DUS1L: variants seen among roughly 807,000 people sequenced by gnomAD.
DUS1L encodes tRNA-dihydrouridine(16/17) synthase [NAD(P)(+)]-like.
Under a neutral mutation model 61.2 loss-of-function variants are expected in DUS1L, and 56 were observed. That is an observed-to-expected ratio of 0.92 (90% CI 0.74 to 1.14). The LOEUF is 1.14. Ranked by LOEUF, DUS1L falls within the 50% of genes most tolerant of loss-of-function variation. DUS1L has a pLI of 0.00. For synonymous variants in DUS1L, 278 were observed against 259.5 expected (o/e 1.07, Z -0.69); for missense variants, 630 against 632.4 (o/e 1.00, Z 0.04).
chr17:82,060,565 CCCT>C (rs1376269198), intron 10 of DUS1L, 133 bp downstream of exon 10: 3 of 1,179,198 alleles, frequency 2.5e-6, no homozygotes, highest in African/African-American at 3.0e-5. Flanking sequence ...GCCGAGGCCT[CCCT>C]CCTCCTTTCC....
intron 10 of DUS1L, chr17:82,060,357 C>T (rs1234273160): frequency 3.2e-5 from 19 of 587,878 alleles, no homozygotes; most frequent in Non-Finnish European, 2.1e-5. Flanking sequence ...GATGGCCTCA[C>T]CTCTGAGAAC....
rs776471183 is a variant in DUS1L, at chr17:82,064,892, G to A, written c.168C>T (p.Arg56=). 5.0e-6 allele frequency: 8 copies of A among 1,612,742 alleles called. No individual in the cohort carries two copies. The highest frequency in any genetic ancestry group is 6.8e-6 in the Non-Finnish European group (8 of 1,179,876). The change falls in exon 2 of 14, where the codon CGC becomes CGT. Residue 56 remains arginine, a synonymous_variant. Coordinates refer to ENST00000306796, the MANE Select transcript of DUS1L (RefSeq NM_022156.5). ...TPMLHAQVFV[R]DANYRKENLY... ...GGTTCTCCTTCCGGTAGTTGGCGTC[G>A]CGGACAAAGACCTGGGCATGCAGCA...
In DUS1L at chr17:82,057,992, A is replaced by G; in HGVS notation, c.*123T>C. 7.7e-7 allele frequency: 1 copy of G among 1,300,210 alleles called. No individual in the cohort carries two copies. Among genetic ancestry groups the G allele is most frequent in the African/African-American group, 1.5e-5 (1 of 66,586 alleles). The allele number at this position is 1,300,210 out of a possible 1,614,324, so 80.5% of individuals were successfully genotyped here. A position where few individuals can be genotyped will look rare whatever the true frequency, so the allele number is the denominator to read the frequency against. On this transcript the variant is annotated 3_prime_UTR_variant, in exon 14 of 14. Coordinates refer to ENST00000306796, the MANE Select transcript of DUS1L (RefSeq NM_022156.5). ...ATTTCCAGGCCCCCAGAGTGGGCCG[A>G]AGGGGGACATGGGCGTGTCTTTCCA...
At chr17:82,064,652 T>C (rs950004236) in intron 2 of DUS1L, among the ~76,000 whole-genome samples, 171 bp downstream of exon 2, 24 of 152,236 alleles carry the variant, frequency 1.6e-4, no homozygotes, top group Non-Finnish European at 2.9e-4. Flanking sequence ...ATCACTGCTG[T>C]GGCTACGTGG....
chr17:82,061,104 G>A, intron 8 of DUS1L, 105 bp downstream of exon 8: 2 of 1,543,094 alleles, frequency 1.3e-6, no homozygotes, highest in Non-Finnish European at 1.8e-6. Flanking sequence ...ACCTGACTTA[G>A]CAGCAAGTTG....
Position 82,061,732 on chromosome 17 carries a change from A to G in DUS1L, c.594-11T>C, listed in dbSNP as rs752598762. On this transcript the variant is annotated splice_polypyrimidine_tract_variant and intron_variant, in intron 6 of 13. Coordinates refer to ENST00000306796, the MANE Select transcript of DUS1L (RefSeq NM_022156.5). ...ATGGCCACAGCCTTCCTGTTGGCAG[A>G]GAAATGCCTGTTTCCACCCGCCCGG... 3.1e-6 allele frequency: 5 copies of G among 1,612,328 alleles called. 1 individual carries two copies. Among genetic ancestry groups the G allele is most frequent in the Non-Finnish European group, 4.2e-6 (5 of 1,179,636 alleles).
At chr17:82,065,122 G>T in intron 1 of DUS1L, 53 bp from the exon 2 acceptor site, 1 of 1,479,822 alleles carries the variant, frequency 6.8e-7, no homozygotes, top group South Asian at 1.3e-5. Flanking sequence ...AGGGGCTTAA[G>T]ACTCAACTCA....
chr17:82,060,799 GC>G lies in DUS1L; in HGVS notation c.940-17del. 1.9e-6 allele frequency: 3 copies of G among 1,611,810 alleles called. No homozygotes were observed. Among genetic ancestry groups the G allele is most frequent in the Non-Finnish European group, 2.5e-6 (3 of 1,179,388 alleles). ...ATATCTCCTCCTGCAAAAGCCCAAG[GC>G]CCTGGTCATGGCCCCAGCCCCTCAC... is the stretch of plus-strand genomic sequence containing the variant. On this transcript the variant is annotated splice_polypyrimidine_tract_variant and intron_variant, in intron 9 of 13. Coordinates refer to ENST00000306796, the MANE Select transcript of DUS1L (RefSeq NM_022156.5).
In DUS1L at chr17:82,064,966, A is replaced by C; in HGVS notation, c.94T>G (p.Trp32Gly). The C allele has an allele frequency of 6.2e-7, 1 of 1,612,380 alleles. No individual in the cohort carries two copies. Among genetic ancestry groups the C allele is most frequent in the Admixed American group, 1.7e-5 (1 of 60,004 alleles). ...APMVDQSELA[W>G]RLLSRRHGAQ... ...CCGTGGCGCCGGCTCAGCAGCCTCC[A>C]GGCCAGCTCGCTCTGGTCCACCATG... Residue 32 changes from tryptophan to glycine, a missense_variant, in exon 2 of 14, where the codon TGG becomes GGG. Trp to Gly is a radical substitution (Grantham distance 184). Transcript: ENST00000306796.
At chr17:82,059,748 T>C (rs1236907673) in intron 11 of DUS1L, 200 bp downstream of exon 11, 1 of 671,302 alleles carries the variant, frequency 1.5e-6, no homozygotes, top group Non-Finnish European at 2.6e-6. Flanking sequence ...ATGTCCCACA[T>C]GCACGGGCTG....
intron 1 of DUS1L, chr17:82,065,329 G>T: frequency 2.2e-6 from 1 of 456,214 alleles, no homozygotes. Flanking sequence ...GCCTGGTAGG[G>T]GACTGGCGTG....
chr17:82,063,342 C>T, intron 4 of DUS1L, 126 bp downstream of exon 4: 9 of 1,341,200 alleles, frequency 6.7e-6, no homozygotes, highest in Non-Finnish European at 9.5e-6. Flanking sequence ...GGCAGGAAGC[C>T]CCAGGGTGAT....
intron 3 of DUS1L, 76 bp from the exon 4 acceptor site, chr17:82,063,594 CCCTTTCCTGCAT>C: frequency 6.3e-7 from 1 of 1,588,976 alleles, no homozygotes; most frequent in African/African-American, 1.3e-5. Context: ...CCCCTCTGCA[CCCTTTCCTGCAT>C]CCACGCAGGC....
rs746363915 is a variant in DUS1L at position 82,060,064 on chromosome 17, C to T, written c.1052G>A (p.Gly351Asp). The change falls in exon 11 of 14, where the codon GGT (glycine) becomes GAT (aspartate). Residue 351 changes from glycine to aspartate, a missense_variant. Transcript: ENST00000306796. ...CTCCAGGGCCCGCTTGCTGCGCGCA[C>T]CTGCCTTCTCCTTGCTCCCCTCCCT... ...GPREGSKEKA[G>D]ARSKRALEEE... 2 of 1,613,124 alleles carry T rather than the reference C, an allele frequency of 1.2e-6. No individual in the cohort carries two copies. The highest frequency in any genetic ancestry group is 3.3e-5 in the Admixed American group (2 of 59,970).
At chr17:82,063,588 T>G (rs1412222107) in intron 3 of DUS1L, 70 bp from the exon 4 acceptor site, 11 of 1,596,750 alleles carry the variant, frequency 6.9e-6, no homozygotes, top group Non-Finnish European at 8.6e-7. Context: ...TTGCACCCCC[T>G]CTGCACCCTT....
intron 3 of DUS1L, among the ~76,000 whole-genome samples, 154 bp downstream of exon 3, chr17:82,063,972 C>T (rs983879760): frequency 6.6e-6 from 1 of 152,230 alleles, no homozygotes; most frequent in Non-Finnish European, 1.5e-5. Context: ...AGCCACCCTC[C>T]AGAGGCGGAG....
intron 11 of DUS1L, chr17:82,059,209 CAAG>C (rs1331816191): frequency 4.7e-6 from 1 of 210,726 alleles, no homozygotes; most frequent in African/African-American, 2.3e-5. Context: ...AGGGTCAAAT[CAAG>C]AATTCAGCCT....
At chr17:82,058,459 C>T (rs1338244437) in intron 12 of DUS1L, 43 bp from the exon 13 acceptor site, 3 of 1,477,500 alleles carry the variant, frequency 2.0e-6, no homozygotes, top group Admixed American at 4.7e-5. Context: ...AGCACCACTC[C>T]CGGGGCCAGG....
chr17:82,062,263 C>T (rs2033544671), intron 5 of DUS1L, among the ~76,000 whole-genome samples: 2 of 152,198 alleles, frequency 1.3e-5, no homozygotes, highest in South Asian at 4.1e-4. Flanking sequence ...AGAGCCAGGC[C>T]GGGAAGTGGC....
Sources: allele counts gnomAD v4.1 joint callset (sites outside exome capture counted in the v4.1 genomes callset), GRCh38; gene constraint gnomAD v4.1.1; transcripts MANE v1.5; gene names NCBI Gene and HGNC (gene_info 2026-07-23, HGNC 2026-07-21).